Variants in PLA2G4A observed in about 807,000 individuals in gnomAD.
PLA2G4A encodes the protein phospholipase A2 group IVA, also known as cytosolic phospholipase A2.
Under a neutral mutation model 81.9 loss-of-function variants are expected in PLA2G4A, and 40 were observed. That is an observed-to-expected ratio of 0.49 (90% CI 0.38 to 0.64). The LOEUF (loss-of-function observed/expected upper bound fraction) is 0.64. Among genes scored for constraint, PLA2G4A ranks in the 30% least tolerant of loss-of-function variants. The pLI, the probability that PLA2G4A is intolerant of heterozygous loss-of-function variation, is 0.00. For synonymous variants in PLA2G4A, 302 were observed against 296.9 expected (o/e 1.02, Z -0.18); for missense variants, 715 against 905.1 (o/e 0.79, Z 2.69).
At chr1:186,950,872 G>A (rs1294126128) in intron 13 of PLA2G4A, 144 bp downstream of exon 13, 1 of 668,866 alleles carries the variant, frequency 1.5e-6, no homozygotes, top group South Asian at 1.6e-5. Flanking sequence ...TTGAGAGAGA[G>A]GATTGCATGT....
At chr1:186,915,187 T>G (rs7542836) in intron 7 of PLA2G4A, among the ~76,000 whole-genome samples, 84,766 of 151,896 alleles carry the variant, frequency 0.56, 25,094 homozygotes, top group African/African-American at 0.76. Flanking sequence ...CTTCAACTAC[T>G]TGCCCTTGAT....
chr1:186,961,754 A>C (rs747564109), intron 14 of PLA2G4A, among the ~76,000 whole-genome samples: 1 of 152,182 alleles, frequency 6.6e-6, no homozygotes, highest in African/African-American at 2.4e-5. Flanking sequence ...AACTGAGTTT[A>C]TGAAGCCAAA....
intron 6 of PLA2G4A, 71 bp downstream of exon 6, chr1:186,907,073 A>T: frequency 7.4e-6 from 6 of 808,666 alleles, no homozygotes; most frequent in Admixed American, 5.5e-5. Context: ...TTGTTAAAGA[A>T]TTTTTTTATA....
intron 7 of PLA2G4A, among the ~76,000 whole-genome samples, chr1:186,922,629 C>T (rs547762806): frequency 1.3e-4 from 20 of 152,282 alleles, no homozygotes; most frequent in African/African-American, 2.9e-4. Flanking sequence ...GGAGCTGCCT[C>T]GACCGTCTGT....
At chr1:186,949,314 A>G (rs1168110538) in intron 12 of PLA2G4A, among the ~76,000 whole-genome samples, 2 of 144,028 alleles carry the variant, frequency 1.4e-5, no homozygotes, top group Non-Finnish European at 3.1e-5. Context: ...AGAAAGAGAA[A>G]GAAGGAAGGA....
intron 2 of PLA2G4A, among the ~76,000 whole-genome samples, chr1:186,861,706 C>G (rs1652809827): frequency 6.6e-6 from 1 of 152,138 alleles, no homozygotes; most frequent in Non-Finnish European, 1.5e-5. Context: ...ACATTCAACA[C>G]TGCCCTATGT....
intron 2 of PLA2G4A, among the ~76,000 whole-genome samples, chr1:186,868,834 C>A (rs1468947558): frequency 1.3e-5 from 2 of 151,628 alleles, no homozygotes; most frequent in Admixed American, 1.3e-4. Flanking sequence ...TGTAGTATTT[C>A]TTCTGTTATC....
chr1:186,979,834 G>C (rs1406134014), intron 17 of PLA2G4A, among the ~76,000 whole-genome samples: 1 of 151,214 alleles, frequency 6.6e-6, no homozygotes, highest in African/African-American at 2.4e-5. Context: ...AACCAGAAGT[G>C]TAGTTAATCT....
At chr1:186,858,985 A>G (rs6696406) in intron 2 of PLA2G4A, among the ~76,000 whole-genome samples, 47,263 of 151,992 alleles carry the variant, frequency 0.31, 7,853 homozygotes, top group East Asian at 0.6. Flanking sequence ...TCACAGAAAG[A>G]TATTTTTCAA....
At chr1:186,933,522 A>T (rs1302653748) in intron 8 of PLA2G4A, among the ~76,000 whole-genome samples, 1 of 152,154 alleles carries the variant, frequency 6.6e-6, no homozygotes, top group African/African-American at 2.4e-5. Flanking sequence ...TTCCAAGAAG[A>T]TATTACATAC....
At chr1:186,947,259 G>A (rs1276188348) in intron 12 of PLA2G4A, among the ~76,000 whole-genome samples, 1 of 151,972 alleles carries the variant, frequency 6.6e-6, no homozygotes, top group Non-Finnish European at 1.5e-5. Context: ...GTATTAGAAA[G>A]TCCTCTTTTT....
intron 15 of PLA2G4A, among the ~76,000 whole-genome samples, chr1:186,971,074 T>C (rs1657340515): frequency 6.6e-6 from 1 of 151,952 alleles, no homozygotes; most frequent in Non-Finnish European, 1.5e-5. Context: ...TTTATTCTTC[T>C]AAATATATTT....
intron 1 of PLA2G4A, among the ~76,000 whole-genome samples, chr1:186,853,342 T>G (rs988715657): frequency 1.3e-5 from 2 of 151,266 alleles, no homozygotes; most frequent in African/African-American, 4.9e-5. Flanking sequence ...AAGATACACA[T>G]CATAATGAAA....
chr1:186,891,274 C>A (rs927952190), intron 3 of PLA2G4A, among the ~76,000 whole-genome samples: 1 of 151,992 alleles, frequency 6.6e-6, no homozygotes, highest in African/African-American at 2.4e-5. Context: ...GGTATCCATC[C>A]TCTGAAGCAT....
chr1:186,954,140 A>C (rs977578595), intron 13 of PLA2G4A, among the ~76,000 whole-genome samples: 4 of 152,324 alleles, frequency 2.6e-5, no homozygotes, highest in Admixed American at 1.3e-4. Context: ...ACACATGCAC[A>C]TGTATGTTTA....
chr1:186,877,124 A>G (rs1324190178), intron 3 of PLA2G4A, among the ~76,000 whole-genome samples: 4 of 152,084 alleles, frequency 2.6e-5, no homozygotes, highest in African/African-American at 9.7e-5. Context: ...ATGAAAATAA[A>G]TGATCTGTTT....
Position 186,988,746 on chromosome 1 carries a change from C to T in PLA2G4A, c.*238C>T. 1 of 396,646 alleles carries T rather than the reference C, an allele frequency of 2.5e-6. No homozygotes were observed. The highest frequency in any genetic ancestry group is 2.3e-5 in the South Asian group (1 of 43,478). The allele number at this position is 396,646 out of a possible 1,614,324, so 24.6% of individuals were successfully genotyped here. A position where few individuals can be genotyped will look rare whatever the true frequency, so the allele number is the denominator to read the frequency against. Reference sequence around the variant, plus strand: ...TTCAGTCAGTATGAACTTCCTGATACAAATGTAGGGATATATACTGTATTT... The same window carrying T: ...TTCAGTCAGTATGAACTTCCTGATATAAATGTAGGGATATATACTGTATTT... On this transcript the variant is annotated 3_prime_UTR_variant, in exon 18 of 18. Coordinates refer to ENST00000367466, the MANE Select transcript of PLA2G4A (RefSeq NM_024420.3).
At chr1:186,972,183 C>T (rs926209575) in intron 15 of PLA2G4A, among the ~76,000 whole-genome samples, 1 of 152,100 alleles carries the variant, frequency 6.6e-6, no homozygotes, top group Admixed American at 6.5e-5. Flanking sequence ...TTAGTTAGCA[C>T]ACACCTAGTA....
intron 2 of PLA2G4A, among the ~76,000 whole-genome samples, chr1:186,862,360 G>A (rs935232183): frequency 2.0e-5 from 3 of 151,806 alleles, no homozygotes; most frequent in African/African-American, 7.3e-5. Flanking sequence ...GATTACAGGC[G>A]TGGGCTACCA....
Sources: gnomAD v4.1 joint callset for allele counts (sites outside exome capture counted in the v4.1 genomes callset) on GRCh38, gnomAD v4.1.1 for gene constraint, MANE v1.5 for transcripts, NCBI Gene and HGNC (gene_info 2026-07-23, HGNC 2026-07-21) for gene names.